The following LAMA1 variants were observed in gnomAD, a reference collection of about 807,000 sequenced individuals.
The protein encoded by LAMA1 is laminin subunit alpha-1.
LAMA1 carries 219 observed loss-of-function variants against 348.7 expected under a neutral mutation model. That is an observed-to-expected ratio of 0.63 (90% CI 0.56 to 0.70). The LOEUF is 0.70. Ranked by LOEUF, LAMA1 falls within the 30% of genes least tolerant of loss-of-function variation. LAMA1 has a pLI of 0.00. For synonymous variants in LAMA1, 1,487 were observed against 1,491.0 expected, an observed-to-expected ratio of 1.00 and a Z score of 0.06; for missense variants, 3,744 against 3,888.0, an observed-to-expected ratio of 0.96 and a Z score of 0.99.
intron 41 of LAMA1, 65 bp downstream of exon 41, chr18:6,982,432 G>C: frequency 1.5e-6 from 2 of 1,301,488 alleles, no homozygotes; most frequent in South Asian, 1.2e-5. Flanking sequence ...AACATTCTTA[G>C]AGGCTGCTCA....
intron 29 of LAMA1, among the ~76,000 whole-genome samples, chr18:7,006,145 T>A (rs944026780): frequency 6.6e-6 from 1 of 152,148 alleles, no homozygotes; most frequent in Non-Finnish European, 1.5e-5. Context: ...GAAACGAATA[T>A]CACATTATTT....
rs191861238 is a variant in LAMA1, at chr18:7,023,085, G to A, written c.2701+79C>T. ...AGTGTGACCTCCTAGGCGGGGCCCT[G>A]TGTGACACATGTGACTATACGGTTG... On this transcript the variant is annotated intron_variant, in intron 19 of 62. Transcript: ENST00000389658. 1,160 of 1,473,478 alleles carry A rather than the reference G, an allele frequency of 7.9e-4. 6 individuals carry two copies. Among genetic ancestry groups the A allele is most frequent in the Non-Finnish European group, 3.2e-5 (34 of 1,078,660 alleles). 91.3% of individuals were successfully genotyped at this position (1,473,478 alleles called of 1,614,324 possible). A position where few individuals can be genotyped will look rare whatever the true frequency, so the allele number is the denominator to read the frequency against.
intron 19 of LAMA1, among the ~76,000 whole-genome samples, chr18:7,022,604 T>C (rs1281198801): frequency 6.6e-6 from 1 of 152,212 alleles, no homozygotes; most frequent in Non-Finnish European, 1.5e-5. Context: ...GAATCATCCC[T>C]CCGGCCAGGT....
At position 7,080,441 on chromosome 18, in the gene LAMA1, A is replaced by G. The variant is rs2058188792; in HGVS notation, c.78T>C (p.Ile26=). The G allele has an allele frequency of 6.2e-7, 1 of 1,614,228 alleles. No individual in the cohort carries two copies. The highest frequency in any genetic ancestry group is 8.5e-7 in the Non-Finnish European group (1 of 1,180,038). The change falls in exon 2 of 63, where the codon ATT becomes ATC. Residue 26 remains isoleucine, a synonymous_variant. Coordinates refer to ENST00000389658, the MANE Select transcript of LAMA1 (RefSeq NM_005559.4). ...TGTGAGCATTGCTGGCAAGATTGAG[A>G]ATGGCAGGAAACAGGCCTGAAAGTG... is the stretch of plus-strand genomic sequence containing the variant. ...QCRQRGLFPA[I]LNLASNAHIS... is the part of the protein sequence containing the mutation.
rs753870315 is a variant in LAMA1 at position 6,961,697 on chromosome 18, T to G, written c.7515A>C (p.Ser2505=). The change falls in exon 53 of 63, where the codon TCA becomes TCC. Residue 2505 remains serine (S), a synonymous_variant. Coordinates refer to ENST00000389658, the MANE Select transcript of LAMA1 (RefSeq NM_005559.4). The part of the protein sequence containing the change: ...GYIELPPKSL[S]PESEWLVTFA... ...ATGTTACCAGCCATTCTGATTCTGG[T>G]GACAAAGATTTGGGTGGCAATTCAA... is the stretch of plus-strand genomic sequence containing the variant. 3.1e-6 allele frequency: 5 copies of G among 1,614,066 alleles called. No homozygotes were observed. The highest frequency in any genetic ancestry group is 4.2e-6 in the Non-Finnish European group (5 of 1,179,996).
chr18:7,017,441 A>G, intron 19 of LAMA1, 57 bp from the exon 20 acceptor site: 1 of 1,241,080 alleles, frequency 8.1e-7, no homozygotes, highest in Non-Finnish European at 1.2e-6. Flanking sequence ...GGTTATCATA[A>G]GATCCGTCAT....
Position 6,980,507 on chromosome 18 carries a change from T to G in LAMA1, c.6007+14A>C. ...AGAAGACGTTATTTACAGAAGAAAG[T>G]CCTTTCCACTTACCTTTAGGAATTG... On this transcript the variant is annotated intron_variant, in intron 42 of 62. Coordinates refer to ENST00000389658, the MANE Select transcript of LAMA1 (RefSeq NM_005559.4). 6.9e-7 allele frequency: 1 copy of G among 1,439,714 alleles called. No individual in the cohort carries two copies. Among genetic ancestry groups the G allele is most frequent in the Non-Finnish European group, 9.8e-7 (1 of 1,020,924 alleles). 89.2% of individuals were successfully genotyped at this position (1,439,714 alleles called of 1,614,324 possible). A position where few individuals can be genotyped will look rare whatever the true frequency, so the allele number is the denominator to read the frequency against.
chr18:7,079,843 C>T, intron 3 of LAMA1, 132 bp downstream of exon 3: 2 of 727,848 alleles, frequency 2.7e-6, no homozygotes, highest in East Asian at 2.7e-5. Flanking sequence ...ATACCACTTG[C>T]CTTCACCTGG....
chr18:7,009,322 C>A lies in LAMA1; in HGVS notation c.3918G>T (p.Thr1306=). Residue 1306 remains threonine (T), a synonymous_variant, in exon 27 of 63, where the codon ACG becomes ACT. Transcript: ENST00000389658. ...TGAGGACAGACATAAAATCCTCTCG[C>A]GTGACAGGTTTTTCAGAAACAGAGT... ...YFNSVSEKPV[T]REDFMSVLSD... is the part of the protein sequence containing the mutation. 2 of 1,614,006 alleles carry A rather than the reference C, an allele frequency of 1.2e-6. No homozygotes were observed. Among genetic ancestry groups the A allele is most frequent in the South Asian group, 2.2e-5 (2 of 91,076 alleles).
At chr18:6,995,628 A>G (rs1040274629) in intron 33 of LAMA1, among the ~76,000 whole-genome samples, 182 bp from the exon 34 acceptor site, 2 of 152,142 alleles carry the variant, frequency 1.3e-5, no homozygotes, top group Admixed American at 1.3e-4. Context: ...ATGATTCTAC[A>G]CTGCCATCCT....
rs577720899 is a variant in LAMA1, at chr18:7,002,562, G to A, written c.4261-177C>T. Among the ~76,000 whole-genome samples, 4 of 152,316 alleles carry A rather than the reference G, an allele frequency of 2.6e-5. No individual in the cohort carries two copies. In the East Asian group the frequency reaches 5.8e-4, roughly 22 times the overall value. ...AAATCCTGAAAACATTTCCCGCTCTGTGGCTTTCATTCATCCTAAGGCTGC... is the reference window on the plus strand; with the variant it reads ...AAATCCTGAAAACATTTCCCGCTCTATGGCTTTCATTCATCCTAAGGCTGC... On this transcript the variant is annotated intron_variant, in intron 29 of 62. Coordinates refer to ENST00000389658, the MANE Select transcript of LAMA1 (RefSeq NM_005559.4).
At chr18:7,073,158 GC>G (rs1325240427) in intron 3 of LAMA1, among the ~76,000 whole-genome samples, 2 of 152,108 alleles carry the variant, frequency 1.3e-5, no homozygotes, top group African/African-American at 4.8e-5. Context: ...CTAAATTTGT[GC>G]CTTTAAATGA....
intron 41 of LAMA1, among the ~76,000 whole-genome samples, 153 bp downstream of exon 41, chr18:6,982,344 G>C (rs1161194512): frequency 2.6e-5 from 4 of 152,170 alleles, no homozygotes; most frequent in Non-Finnish European, 5.9e-5. Flanking sequence ...TTATACGATA[G>C]GAAAATTTAT....
chr18:7,096,559 G>A (rs963846376), intron 1 of LAMA1, among the ~76,000 whole-genome samples: 1 of 152,020 alleles, frequency 6.6e-6, no homozygotes, highest in Non-Finnish European at 1.5e-5. Context: ...GGAAGCTGAA[G>A]TGGGAAGATC....
chr18:7,101,205 T>C (rs1288429544), intron 1 of LAMA1, among the ~76,000 whole-genome samples: 2 of 152,166 alleles, frequency 1.3e-5, no homozygotes, highest in Admixed American at 1.3e-4. Flanking sequence ...CTAAAAAACA[T>C]TAAACTGTAC....
intron 3 of LAMA1, among the ~76,000 whole-genome samples, chr18:7,072,512 C>A (rs1471503138): frequency 6.6e-6 from 1 of 152,152 alleles, no homozygotes; most frequent in African/African-American, 2.4e-5. Context: ...CAAGCTGGTG[C>A]CCTGATGCAG....
intron 30 of LAMA1, among the ~76,000 whole-genome samples, chr18:7,001,307 AT>A (rs1446462443): frequency 1.1e-3 from 142 of 124,580 alleles, no homozygotes; most frequent in African/African-American, 4.7e-3. Flanking sequence ...GTAAGTAGAT[AT>A]TTCCGTTTTC....
chr18:7,028,547 A>G (rs1416214157), intron 16 of LAMA1, among the ~76,000 whole-genome samples: 2 of 152,238 alleles, frequency 1.3e-5, no homozygotes, highest in Non-Finnish European at 2.9e-5. Context: ...AGCCTTTTTC[A>G]GATAAAGGAG....
intron 8 of LAMA1, chr18:7,042,999 T>C (rs986377568): frequency 3.2e-5 from 18 of 564,334 alleles, no homozygotes; most frequent in Admixed American, 2.8e-4. Flanking sequence ...CAGGATTACA[T>C]AGCTAATGGA....
Sources: gnomAD v4.1 joint callset for allele counts (sites outside exome capture counted in the v4.1 genomes callset) on GRCh38, gnomAD v4.1.1 for gene constraint, MANE v1.5 for transcripts, NCBI Gene and HGNC (gene_info 2026-07-23, HGNC 2026-07-21) for gene names.